Variants in PBRM1 observed in about 807,000 individuals in gnomAD.
The protein encoded by PBRM1 is polybromo 1.
PBRM1 carries 27 observed loss-of-function variants against 194.5 expected under a neutral mutation model. The ratio of observed to expected loss-of-function variants is 0.14; its 90% CI spans 0.10 to 0.19. The LOEUF is 0.19. PBRM1 is among the 10% of genes least tolerant of loss of function. PBRM1 has a pLI of 1.00. For synonymous variants in PBRM1, 655 were observed against 693.2 expected (o/e 0.94, Z 0.87); for missense variants, 1,466 against 2,077.2 (o/e 0.71, Z 5.72).
intron 2 of PBRM1, among the ~76,000 whole-genome samples, chr3:52,676,865 G>C (rs1181405035): frequency 6.6e-6 from 1 of 152,190 alleles, no homozygotes; most frequent in African/African-American, 2.4e-5. Context: ...TTGGAGTAAA[G>C]GTGACTTTTG....
Position 52,584,204 on chromosome 3 carries a change from A to G in PBRM1, c.3387+2221T>C, listed in dbSNP as rs183237285. On this transcript the variant is annotated intron_variant, in intron 20 of 29. Transcript: ENST00000296302. ...AGTAAATTTTTTTCCTAGAGGTTCT[A>G]TATATTCCTTGTTAAGGTTATTTCT... Among the ~76,000 whole-genome samples, 250 of 152,162 alleles carry G rather than the reference A, an allele frequency of 1.6e-3. 1 individual carries two copies. Among genetic ancestry groups the G allele is most frequent in the Non-Finnish European group, 1.4e-3 (98 of 68,010 alleles).
downstream of PBRM1, chr3:52,546,110 A>T: frequency 4.3e-6 from 1 of 232,796 alleles, no homozygotes; most frequent in Non-Finnish European, 8.5e-6. Context: ...GCTTCTAATG[A>T]CCCACGTGGC....
At chr3:52,647,698 C>A (rs1191779759) in intron 7 of PBRM1, among the ~76,000 whole-genome samples, 3 of 151,598 alleles carry the variant, frequency 2.0e-5, no homozygotes, top group Non-Finnish European at 4.4e-5. Flanking sequence ...ACCCTGAAAA[C>A]ATTACGCTAA....
chr3:52,607,022 T>C (rs983887707), intron 16 of PBRM1, among the ~76,000 whole-genome samples: 1 of 152,090 alleles, frequency 6.6e-6, no homozygotes, highest in Non-Finnish European at 1.5e-5. Flanking sequence ...GGGTAAATGG[T>C]GATGAAGCAT....
At chr3:52,578,511 C>A (rs1036407748) in intron 21 of PBRM1, among the ~76,000 whole-genome samples, 2 of 152,180 alleles carry the variant, frequency 1.3e-5, no homozygotes, top group Non-Finnish European at 2.9e-5. Flanking sequence ...CCTCTCCTAC[C>A]CAACCCTATA....
intron 1 of PBRM1, 113 bp downstream of exon 1, chr3:52,685,618 CCCGGCCCGACCCGCGCGT>C: frequency 6.7e-6 from 1 of 149,196 alleles, no homozygotes; most frequent in South Asian, 2.1e-4. Context: ...ACCCCGCGCG[CCCGGCCCGACCCGCGCGT>C]CCCCACGGCC....
chr3:52,615,528 A>T, intron 14 of PBRM1, 72 bp from the exon 17 acceptor site: 1 of 916,704 alleles, frequency 1.1e-6, no homozygotes, highest in East Asian at 2.5e-5. Flanking sequence ...ATCCATAAAG[A>T]AGTTTTAAAA....
chr3:52,593,621 A>C (rs914749472), intron 17 of PBRM1, among the ~76,000 whole-genome samples: 3 of 152,248 alleles, frequency 2.0e-5, no homozygotes, highest in African/African-American at 7.2e-5. Context: ...AGATTCTGGT[A>C]TGTTGTGTCT....
In PBRM1 at chr3:52,603,622, T is replaced by C. The variant is rs753344888; in HGVS notation, c.2678A>G (p.Tyr893Cys). 104 of 1,613,540 alleles carry C rather than the reference T, an allele frequency of 6.4e-5. No homozygotes were observed. In the East Asian group the frequency reaches 1.8e-3, roughly 28 times the overall value. Residue 893 changes from tyrosine (Y) to cysteine (C), a missense_variant, in exon 17 of 30, where the codon TAT becomes TGT. Physicochemically the swap from Tyr to Cys is radical, Grantham distance 194. Around this residue, in one of 5 missense-constraint regions of PBRM1, gnomAD observed 687 missense variants for 946.2 expected, o/e 0.73. Transcript: ENST00000296302. ...ATCATTATGCAAATGTTTTGTGGTATAGCTGAGTGCCGGTGAAAGAAGAAT... is the reference window on the plus strand; with the variant it reads ...ATCATTATGCAAATGTTTTGTGGTACAGCTGAGTGCCGGTGAAAGAAGAAT...
chr3:52,678,478 T>C (rs1488089422), intron 2 of PBRM1, 22 bp downstream of exon 3: 3 of 1,496,526 alleles, frequency 2.0e-6, no homozygotes, highest in South Asian at 2.3e-5. Context: ...CCCGCAACTG[T>C]ACTGATGTGC....
At chr3:52,576,100 T>C (rs899605228) in intron 22 of PBRM1, among the ~76,000 whole-genome samples, 12 of 151,972 alleles carry the variant, frequency 7.9e-5, no homozygotes, top group African/African-American at 2.9e-4. Flanking sequence ...TGAGGCACCA[T>C]TAAATGTACC....
At chr3:52,573,593 C>T (rs1575842839) in intron 22 of PBRM1, among the ~76,000 whole-genome samples, 2 of 152,148 alleles carry the variant, frequency 1.3e-5, no homozygotes, top group Non-Finnish European at 2.9e-5. Context: ...CCATGCCCGG[C>T]CAGAATGTAA....
rs778839740 is a variant in PBRM1, at chr3:52,561,752, C to T, written c.4288+15G>A. The T allele has an allele frequency of 1.1e-5, 17 of 1,610,354 alleles. No homozygotes were observed. Among genetic ancestry groups the T allele is most frequent in the Admixed American group, 5.0e-5 (3 of 60,002 alleles). ...CCCTTGCTTCGAAAGACAGTTGTGC[C>T]TAGGCTCTATTTACCTTCATATTCT... On this transcript the variant is annotated intron_variant, in intron 25 of 29. Coordinates refer to ENST00000296302, the Ensembl canonical transcript of PBRM1.
chr3:52,565,384 T>A (rs1319031978), intron 22 of PBRM1, among the ~76,000 whole-genome samples: 1 of 151,830 alleles, frequency 6.6e-6, no homozygotes, highest in East Asian at 1.9e-4. Flanking sequence ...GGTGCGCTCC[T>A]GTAAGCCCAG....
At chr3:52,575,544 T>C (rs1215571566) in intron 22 of PBRM1, among the ~76,000 whole-genome samples, 1 of 144,272 alleles carries the variant, frequency 6.9e-6, no homozygotes, top group Non-Finnish European at 1.5e-5. Context: ...GAGACAGTCT[T>C]GCTCTGTCAT....
In PBRM1 at chr3:52,665,428, C is replaced by T. The variant is rs571414716; in HGVS notation, c.384+3070G>A. 9.9e-5 allele frequency among the ~76,000 whole-genome samples: 15 copies of T among 152,026 alleles called. No homozygotes were observed. The South Asian group carries it at 1.2e-3, about 13-fold the overall frequency. On this transcript the variant is annotated intron_variant, in intron 3 of 29. Transcript: ENST00000296302. ...ATCCTCCTGCCTCAACCTCCCAAAG[C>T]GCTGGGATTATAGGCATGAGCCATC...
At chr3:52,577,716 T>G (rs2090044341) in intron 21 of PBRM1, among the ~76,000 whole-genome samples, 1 of 152,168 alleles carries the variant, frequency 6.6e-6, no homozygotes, top group Non-Finnish European at 1.5e-5. Flanking sequence ...AATACTATCT[T>G]TTGCAATCAC....
chr3:52,605,241 G>C (rs11130308), intron 16 of PBRM1, among the ~76,000 whole-genome samples: 69,227 of 151,838 alleles, frequency 0.46, 16,136 homozygotes, highest in African/African-American at 0.52. Flanking sequence ...GCAACAGGGT[G>C]CTCCCTGTGT....
intron 21 of PBRM1, among the ~76,000 whole-genome samples, chr3:52,577,536 T>C (rs1407617426): frequency 6.6e-6 from 1 of 152,074 alleles, no homozygotes; most frequent in Admixed American, 6.6e-5. Flanking sequence ...GACATTATTA[T>C]TGCTCCATAT....
Sources: gnomAD v4.1 joint callset for allele counts (sites outside exome capture counted in the v4.1 genomes callset) on GRCh38, gnomAD v4.1.1 for gene constraint, gnomAD v4.1.1 regional missense constraint, MANE v1.5 for transcripts, NCBI Gene and HGNC (gene_info 2026-07-23, HGNC 2026-07-21) for gene names.